Variants in OPA1 observed in about 807,000 individuals in gnomAD.
The protein encoded by OPA1 is dynamin-like GTPase OPA1, mitochondrial.
OPA1 carries 59 observed loss-of-function variants against 152.9 expected under a neutral mutation model. That is an observed-to-expected ratio of 0.39 (90% CI 0.31 to 0.48). OPA1 has a LOEUF of 0.48. Ranked by LOEUF, OPA1 falls within the 20% of genes least tolerant of loss-of-function variation. The pLI is 0.96. For synonymous variants in OPA1, 400 were observed against 389.9 expected (o/e 1.03, Z -0.31); for missense variants, 1,008 against 1,216.8 (o/e 0.83, Z 2.55).
chr3:193,669,011 A>G, intron 29 of OPA1: 1 of 295,372 alleles, frequency 3.4e-6, no homozygotes, highest in Non-Finnish European at 5.1e-6. Context: ...TTCAACGTGT[A>G]CTTAAATTTC....
At chr3:193,656,841 G>A (rs1713952575) in intron 22 of OPA1, among the ~76,000 whole-genome samples, 1 of 152,118 alleles carries the variant, frequency 6.6e-6, no homozygotes, top group Non-Finnish European at 1.5e-5. Context: ...TTTTAAAAAT[G>A]AGAACCGCTA....
chr3:193,658,759 G>C, intron 23 of OPA1, 128 bp from the exon 24 acceptor site: 1 of 688,568 alleles, frequency 1.5e-6, no homozygotes, highest in Non-Finnish European at 2.6e-6. Context: ...TTATAGGAAG[G>C]ATATATTTTT....
rs928037601 is a variant in OPA1, at chr3:193,695,210, C to T, written c.*610C>T. On this transcript the variant is annotated 3_prime_UTR_variant, in exon 31 of 31. Coordinates refer to ENST00000361510, the MANE Select transcript of OPA1 (RefSeq NM_130837.3). The stretch of plus-strand genomic sequence containing the variant: ...ACGTTCAGTGAAAGAAATTTCAACC[C>T]TTCATAGCCAGCGAAGAAATTTGCC... 1 of 152,192 alleles carries T rather than the reference C, an allele frequency of 6.6e-6. No homozygotes were observed. The highest frequency in any genetic ancestry group is 2.4e-5 in the African/African-American group (1 of 41,448). 9.4% of individuals were successfully genotyped at this position (152,192 alleles called of 1,614,324 possible).
chr3:193,644,197 C>CAA, intron 16 of OPA1, 92 bp downstream of exon 16: 1 of 1,364,182 alleles, frequency 7.3e-7, no homozygotes, highest in Non-Finnish European at 1.0e-6. Context: ...ACAACAACAA[C>CAA]AAAAAAACAC....
rs557750716 is a variant in OPA1, at chr3:193,659,634, C to T, written c.2520+73C>T. 8.3e-4 allele frequency: 980 copies of T among 1,175,860 alleles called. 2 individuals carry two copies. The highest frequency in any genetic ancestry group is 1.1e-3 in the Non-Finnish European group (888 of 801,340). 72.8% of individuals were successfully genotyped at this position (1,175,860 alleles called of 1,614,324 possible). On this transcript the variant is annotated intron_variant, in intron 25 of 30. Transcript: ENST00000361510. ...TTTTAATTCAGGCATTAAAATATAA[C>T]CTTTTTGTGGCTCTAGACCAGTCTC...
intron 29 of OPA1, among the ~76,000 whole-genome samples, chr3:193,673,263 G>A (rs1037666611): frequency 2.0e-5 from 3 of 152,154 alleles, no homozygotes; most frequent in African/African-American, 7.2e-5. Flanking sequence ...AGTTACCAGT[G>A]TCCTTCACAG....
At chr3:193,670,569 TGTTAG>T (rs1717700521) in intron 29 of OPA1, among the ~76,000 whole-genome samples, 1 of 151,994 alleles carries the variant, frequency 6.6e-6, no homozygotes, top group South Asian at 2.1e-4. Flanking sequence ...GGTTTCCCCA[TGTTAG>T]CCAGGATGGT....
chr3:193,665,728 T>G (rs1716372508), intron 27 of OPA1, among the ~76,000 whole-genome samples: 1 of 152,178 alleles, frequency 6.6e-6, no homozygotes, highest in Non-Finnish European at 1.5e-5. Flanking sequence ...TATATTTAAA[T>G]GCACCTAATT....
At chr3:193,617,868 A>G (rs1355182628) in intron 5 of OPA1, 31 bp downstream of exon 5, 3 of 1,535,834 alleles carry the variant, frequency 2.0e-6, no homozygotes, top group Admixed American at 1.7e-5. Flanking sequence ...GCTGACCTTA[A>G]CATGCCTTTT....
At chr3:193,631,859 A>G (rs1732131488) in intron 8 of OPA1, 194 bp downstream of exon 8, 1 of 606,608 alleles carries the variant, frequency 1.6e-6, no homozygotes, top group Non-Finnish European at 3.0e-6. Flanking sequence ...GTATGGAGTT[A>G]ACTCATTTAT....
At chr3:193,631,537 AT>A in intron 7 of OPA1, 74 bp from the exon 8 acceptor site, 1 of 1,072,314 alleles carries the variant, frequency 9.3e-7, no homozygotes, top group Non-Finnish European at 1.4e-6. Flanking sequence ...CTCAATACTT[AT>A]CAAAAAAATT....
intron 25 of OPA1, among the ~76,000 whole-genome samples, chr3:193,661,817 C>G (rs1219645237): frequency 2.6e-5 from 4 of 152,124 alleles, no homozygotes; most frequent in Non-Finnish European, 5.9e-5. Context: ...ACACCATTAC[C>G]AGCGATTTCC....
intron 29 of OPA1, among the ~76,000 whole-genome samples, chr3:193,672,276 T>G (rs952881146): frequency 6.6e-6 from 1 of 152,194 alleles, no homozygotes; most frequent in South Asian, 2.1e-4. Context: ...GTGCAATTTG[T>G]TTTTTGCCCC....
chr3:193,692,137 G>C lies in OPA1; in HGVS notation c.*5+5G>C, dbSNP rs1411758160. 1 of 1,462,200 alleles carries C rather than the reference G, an allele frequency of 6.8e-7. No individual in the cohort carries two copies. Among genetic ancestry groups the C allele is most frequent in the Non-Finnish European group, 9.4e-7 (1 of 1,058,250 alleles). The allele number at this position is 1,462,200 out of a possible 1,614,324, so 90.6% of individuals were successfully genotyped here. A position where few individuals can be genotyped will look rare whatever the true frequency, so the allele number is the denominator to read the frequency against. ...TCATCAGGAGAAATAAATTAAGTGA[G>C]TAAAAATTCTCTAACTGTATTGGTG... On this transcript the variant is annotated splice_donor_5th_base_variant and intron_variant, in intron 30 of 30. Coordinates refer to ENST00000361510, the MANE Select transcript of OPA1 (RefSeq NM_130837.3).
intron 29 of OPA1, among the ~76,000 whole-genome samples, chr3:193,681,038 C>G (rs1447533816): frequency 6.6e-6 from 1 of 152,004 alleles, no homozygotes; most frequent in Non-Finnish European, 1.5e-5. Context: ...AAAAGATGAT[C>G]ATAAATCCCA....
rs556874344 is a variant in OPA1 at position 193,665,750 on chromosome 3, G to A, written c.2779-546G>A. On this transcript the variant is annotated intron_variant, in intron 27 of 30. Transcript: ENST00000361510. ...AAATGCACCTAATTAAAAGTGGCAA[G>A]TTTTTTTTGCATAATTTTAATTGTA... Among the ~76,000 whole-genome samples the A allele has an allele frequency of 2.0e-5, 3 of 151,854 alleles. No individual in the cohort carries two copies. In the East Asian group the frequency reaches 5.8e-4, roughly 29 times the overall value.
At chr3:193,653,852 A>G (rs907675857) in intron 21 of OPA1, among the ~76,000 whole-genome samples, 1 of 152,194 alleles carries the variant, frequency 6.6e-6, no homozygotes, top group Non-Finnish European at 1.5e-5. Context: ...TAAAACCACA[A>G]TGACCACTAT....
intron 6 of OPA1, among the ~76,000 whole-genome samples, chr3:193,619,352 C>T (rs959953553): frequency 6.6e-6 from 1 of 152,104 alleles, no homozygotes; most frequent in African/African-American, 2.4e-5. Flanking sequence ...CAACAGAACC[C>T]TTTTGCTCAT....
In OPA1 at chr3:193,665,014, A is replaced by G. The variant is rs1194966232; in HGVS notation, c.2778+18A>G. The G allele has an allele frequency of 7.5e-7, 1 of 1,327,494 alleles. No individual in the cohort carries two copies. The highest frequency in any genetic ancestry group is 1.2e-5 in the South Asian group (1 of 84,592). The allele number at this position is 1,327,494 out of a possible 1,614,324, so 82.2% of individuals were successfully genotyped here. ...ATTCTGAGGTAAGGTTTCCAAAAACAAAGAGAAGTATTTTTAAGCAACAGT... is the reference window on the plus strand; with the variant it reads ...ATTCTGAGGTAAGGTTTCCAAAAACGAAGAGAAGTATTTTTAAGCAACAGT... On this transcript the variant is annotated intron_variant, in intron 27 of 30. Coordinates refer to ENST00000361510, the MANE Select transcript of OPA1 (RefSeq NM_130837.3).
Sources: allele counts gnomAD v4.1 joint callset (sites outside exome capture counted in the v4.1 genomes callset), GRCh38; gene constraint gnomAD v4.1.1; transcripts MANE v1.5; gene names NCBI Gene and HGNC (gene_info 2026-07-23, HGNC 2026-07-21).